TACR3: variants seen among roughly 807,000 people sequenced by gnomAD.
TACR3 encodes tachykinin receptor 3.
In TACR3, 34 loss-of-function variants were observed where a neutral mutation model predicts 35.0. The observed-to-expected ratio is 0.97, with a 90% CI of 0.74 to 1.30. The LOEUF (loss-of-function observed/expected upper bound fraction) is 1.30. TACR3 is among the 50% of genes most tolerant of loss of function. The probability of loss-of-function intolerance (pLI) is 0.00; values close to 1 mark genes in which losing one functional copy is unlikely to be tolerated. For missense variants in TACR3, 558 were observed against 591.7 expected (o/e 0.94, Z 0.59); for synonymous variants, 233 against 221.1 (o/e 1.05, Z -0.48).
At chr4:103,676,358 A>G (rs530912361) in intron 1 of TACR3, among the ~76,000 whole-genome samples, 105 of 152,342 alleles carry the variant, frequency 6.9e-4, no homozygotes, top group Non-Finnish European at 7.8e-4. Context: ...CGTTAAAATT[A>G]CACTACATAA....
chr4:103,612,191 C>T (rs1315752736), intron 3 of TACR3, among the ~76,000 whole-genome samples: 1 of 152,134 alleles, frequency 6.6e-6, no homozygotes, highest in Non-Finnish European at 1.5e-5. Context: ...TTCTTTATGC[C>T]CCAACATCCT....
chr4:103,703,031 C>G (rs1722696648), intron 1 of TACR3, among the ~76,000 whole-genome samples: 1 of 151,676 alleles, frequency 6.6e-6, no homozygotes, highest in Non-Finnish European at 1.5e-5. Flanking sequence ...TGCACATGTA[C>G]CCTAAAAGTT....
chr4:103,673,959 T>C (rs1026022808), intron 1 of TACR3, among the ~76,000 whole-genome samples: 2 of 152,206 alleles, frequency 1.3e-5, no homozygotes, highest in African/African-American at 4.8e-5. Context: ...TTTCATTTTA[T>C]TTCATTTTTT....
At chr4:103,707,672 C>T (rs530118547) in intron 1 of TACR3, among the ~76,000 whole-genome samples, 87 of 152,082 alleles carry the variant, frequency 5.7e-4, no homozygotes, top group African/African-American at 1.9e-3. Context: ...GTGGGTGCAG[C>T]CCACCGAGCG....
chr4:103,659,922 A>G (rs1725804389), intron 1 of TACR3, among the ~76,000 whole-genome samples: 1 of 152,166 alleles, frequency 6.6e-6, no homozygotes, highest in Non-Finnish European at 1.5e-5. Context: ...ATTTTAATAA[A>G]ACACGATCTT....
At chr4:103,621,453 C>A (rs1724781191) in intron 3 of TACR3, among the ~76,000 whole-genome samples, 1 of 152,118 alleles carries the variant, frequency 6.6e-6, no homozygotes, top group Non-Finnish European at 1.5e-5. Flanking sequence ...ACTTTGAAGA[C>A]AGTTTAGAAT....
intron 1 of TACR3, among the ~76,000 whole-genome samples, chr4:103,665,073 A>G (rs1166155401): frequency 6.6e-6 from 1 of 151,926 alleles, no homozygotes; most frequent in Non-Finnish European, 1.5e-5. Context: ...TTGGCCTCCC[A>G]AAGTGCTGGG....
intron 1 of TACR3, among the ~76,000 whole-genome samples, chr4:103,686,926 G>C (rs918345799): frequency 3.9e-5 from 6 of 152,146 alleles, no homozygotes; most frequent in Non-Finnish European, 5.9e-5. Flanking sequence ...TACCAAAGCT[G>C]GGCAGAGACA....
At chr4:103,639,232 C>G (rs1725285820) in intron 3 of TACR3, among the ~76,000 whole-genome samples, 2 of 149,910 alleles carry the variant, frequency 1.3e-5, no homozygotes, top group African/African-American at 5.0e-5. Flanking sequence ...AACTGTGGCA[C>G]ATATACACCA....
At chr4:103,636,809 C>A (rs146644354) in intron 3 of TACR3, among the ~76,000 whole-genome samples, 2 of 152,098 alleles carry the variant, frequency 1.3e-5, no homozygotes, top group Admixed American at 6.6e-5. Flanking sequence ...ACTATAAACA[C>A]CTGTATGCAA....
intron 1 of TACR3, among the ~76,000 whole-genome samples, chr4:103,702,909 G>A (rs1013506153): frequency 9.3e-6 from 1 of 107,648 alleles, no homozygotes; most frequent in African/African-American, 3.7e-5. Context: ...TGTGGGGTGG[G>A]GGGAGGGGGG....
At chr4:103,650,461 A>G (rs1725564210) in intron 3 of TACR3, among the ~76,000 whole-genome samples, 2 of 90,454 alleles carry the variant, frequency 2.2e-5, no homozygotes, top group Non-Finnish European at 4.3e-5. Flanking sequence ...AAGTATAATA[A>G]TATATTTATA....
chr4:103,618,564 C>CTTTTTTTTTTTTTTTTTTTTTTTTT lies in TACR3; in HGVS notation c.889-26906_889-26882dup, dbSNP rs57837921. 9.8e-5 allele frequency among the ~76,000 whole-genome samples: 6 copies of CTTTTTTTTTTTTTTTTTTTTTTTTT among 61,444 alleles called. 1 individual carries two copies. The highest frequency in any genetic ancestry group is 2.7e-4 in the African/African-American group (3 of 11,004). The allele number at this position is 61,444 out of a possible 152,430, so 40.3% of individuals were successfully genotyped here. On this transcript the variant is annotated intron_variant, in intron 3 of 4. Coordinates refer to ENST00000304883, the MANE Select transcript of TACR3 (RefSeq NM_001059.3). ...CTTAGGATTGCTTTGGTGACTTGGG[C>CTTTTTTTTTTTTTTTTTTTTTTTTT]TTTTTTTTTTTTTTTTTTTTTTTTT...
At chr4:103,596,574 C>T (rs560625845) in intron 3 of TACR3, among the ~76,000 whole-genome samples, 1 of 152,106 alleles carries the variant, frequency 6.6e-6, no homozygotes, top group South Asian at 2.1e-4. Context: ...CAAAACAAAA[C>T]TGCTTGTTTT....
At chr4:103,711,413 T>C (rs1446112907) in intron 1 of TACR3, among the ~76,000 whole-genome samples, 1 of 152,140 alleles carries the variant, frequency 6.6e-6, no homozygotes, top group Non-Finnish European at 1.5e-5. Context: ...TCTCAATAGA[T>C]GAAGAAAAGG....
intron 1 of TACR3, among the ~76,000 whole-genome samples, chr4:103,691,390 CA>C (rs1233885910): frequency 6.6e-6 from 1 of 152,078 alleles, no homozygotes; most frequent in Non-Finnish European, 1.5e-5. Context: ...GACATTTTCC[CA>C]AAAAGATCAG....
chr4:103,592,062 A>G (rs542005682), intron 3 of TACR3, among the ~76,000 whole-genome samples: 1 of 152,274 alleles, frequency 6.6e-6, no homozygotes, highest in African/African-American at 2.4e-5. Flanking sequence ...TCTCCAGGAA[A>G]TCAACTGTTA....
intron 3 of TACR3, among the ~76,000 whole-genome samples, chr4:103,627,352 T>TAAAAATACAAAAAAA: frequency 1.2e-5 from 1 of 82,478 alleles, no homozygotes; most frequent in Non-Finnish European, 2.4e-5. Flanking sequence ...GTGTTTCCAT[T>TAAAAATACAAAAAAA]AAAAAAAAAA....
At chr4:103,682,638 A>G (rs1722125580) in intron 1 of TACR3, among the ~76,000 whole-genome samples, 1 of 152,080 alleles carries the variant, frequency 6.6e-6, no homozygotes, top group Non-Finnish European at 1.5e-5. Context: ...AAACCGTATC[A>G]CTGGAGCTAC....
Sources: gnomAD v4.1 joint callset for allele counts (sites outside exome capture counted in the v4.1 genomes callset) on GRCh38, gnomAD v4.1.1 for gene constraint, MANE v1.5 for transcripts, NCBI Gene and HGNC (gene_info 2026-07-23, HGNC 2026-07-21) for gene names.